The following EEPD1 variants were observed in gnomAD, a reference collection of about 807,000 sequenced individuals.
EEPD1 encodes endonuclease/exonuclease/phosphatase family domain containing 1, also known as endonuclease/exonuclease/phosphatase family domain-containing protein 1.
A neutral mutation model predicts 46.3 loss-of-function variants in EEPD1; 17 were observed. The ratio of observed to expected loss-of-function variants is 0.37; its 90% CI spans 0.25 to 0.55. The LOEUF (loss-of-function observed/expected upper bound fraction) is 0.55. EEPD1 is among the 20% of genes least tolerant of loss of function. EEPD1 has a pLI of 0.83. For synonymous variants in EEPD1, 313 were observed against 315.6 expected (o/e 0.99, Z 0.09); for missense variants, 673 against 745.6 (o/e 0.90, Z 1.13).
At chr7:36,203,960 C>CTT (rs369500845) in intron 2 of EEPD1, among the ~76,000 whole-genome samples, 20 of 142,662 alleles carry the variant, frequency 1.4e-4, no homozygotes, top group Non-Finnish European at 1.5e-4. Context: ...TTATAAACCA[C>CTT]TTTTTTTTTT....
At chr7:36,236,361 G>A (rs961021944) in intron 2 of EEPD1, among the ~76,000 whole-genome samples, 1 of 152,238 alleles carries the variant, frequency 6.6e-6, no homozygotes, top group Non-Finnish European at 1.5e-5. Flanking sequence ...GGCAAGCCCC[G>A]CACTAGGCGC....
In EEPD1 at chr7:36,297,202, A is replaced by G; in HGVS notation, c.1510+15A>G. The G allele has an allele frequency of 6.2e-7, 1 of 1,612,760 alleles. No individual in the cohort carries two copies. Reference sequence around the variant, plus strand: ...GGTTTTCACAGGTGAGGCAGAACTCACTTGTCCTTTCTCCTGTTCAGGAAT... The same window carrying G: ...GGTTTTCACAGGTGAGGCAGAACTCGCTTGTCCTTTCTCCTGTTCAGGAAT... On this transcript the variant is annotated intron_variant, in intron 7 of 7. Transcript: ENST00000242108.
At chr7:36,237,699 C>G (rs1583826762) in intron 2 of EEPD1, among the ~76,000 whole-genome samples, 1 of 152,106 alleles carries the variant, frequency 6.6e-6, no homozygotes, top group Non-Finnish European at 1.5e-5. Context: ...GCCTGTAATC[C>G]CAGCACTTTG....
intron 6 of EEPD1, among the ~76,000 whole-genome samples, chr7:36,288,478 TAG>T (rs758991239): frequency 6.6e-6 from 1 of 152,158 alleles, no homozygotes; most frequent in Non-Finnish European, 1.5e-5. Flanking sequence ...AGCAGAATTC[TAG>T]CTAGGCACGG....
At position 36,166,200 on chromosome 7, in the gene EEPD1, C is replaced by T. The variant is rs142126453; in HGVS notation, c.878+10998C>T. 8.7e-3 allele frequency among the ~76,000 whole-genome samples: 1,318 copies of T among 152,288 alleles called. 3 individuals carry two copies. Among genetic ancestry groups the T allele is most frequent in the Non-Finnish European group, 0.014 (975 of 68,010 alleles). ...TATACCTTTGCTGAACTCAGTTTAA[C>T]GCCAGGCAAGACTGTTTGGAGTTGA... is the stretch of plus-strand genomic sequence containing the variant. On this transcript the variant is annotated intron_variant, in intron 2 of 7. Coordinates refer to ENST00000242108, the MANE Select transcript of EEPD1 (RefSeq NM_030636.3).
At chr7:36,251,639 T>C (rs1024394242) in intron 3 of EEPD1, among the ~76,000 whole-genome samples, 1 of 152,094 alleles carries the variant, frequency 6.6e-6, no homozygotes, top group Non-Finnish European at 1.5e-5. Flanking sequence ...AAAGGTAAAT[T>C]CTCATCCTAC....
At position 36,246,526 on chromosome 7, in the gene EEPD1, G is replaced by T. The variant is rs180898567; in HGVS notation, c.930+7490G>T. Among the ~76,000 whole-genome samples the T allele has an allele frequency of 1.1e-4, 16 of 152,218 alleles. No homozygotes were observed. In the East Asian group the frequency reaches 2.5e-3, roughly 24 times the overall value. On this transcript the variant is annotated intron_variant, in intron 3 of 7. Transcript: ENST00000242108. ...CTGCTAATTAGCTGCTGCTGTGGTCGTCATCATCATCATCACTGGCATCTC... is the reference window on the plus strand; with the variant it reads ...CTGCTAATTAGCTGCTGCTGTGGTCTTCATCATCATCATCACTGGCATCTC...
chr7:36,204,490 C>G (rs1008342427), intron 2 of EEPD1, among the ~76,000 whole-genome samples: 1 of 152,180 alleles, frequency 6.6e-6, no homozygotes, highest in African/African-American at 2.4e-5. Flanking sequence ...ATGCCAAACC[C>G]TTTTACAGGA....
At chr7:36,232,528 G>A (rs1411506321) in intron 2 of EEPD1, among the ~76,000 whole-genome samples, 2 of 151,514 alleles carry the variant, frequency 1.3e-5, no homozygotes, top group African/African-American at 4.9e-5. Flanking sequence ...GTATAAGAAT[G>A]TCTCTGGTTT....
intron 2 of EEPD1, 51 bp downstream of exon 2, chr7:36,155,253 G>A: frequency 6.7e-7 from 1 of 1,487,250 alleles, no homozygotes. Context: ...ACTTGTGCGT[G>A]ACCTCATCTA....
At chr7:36,289,328 C>T (rs1325095159) in intron 6 of EEPD1, among the ~76,000 whole-genome samples, 1 of 152,182 alleles carries the variant, frequency 6.6e-6, no homozygotes, top group Non-Finnish European at 1.5e-5. Flanking sequence ...AACGATATCT[C>T]CCCATGCGCC....
intron 2 of EEPD1, among the ~76,000 whole-genome samples, chr7:36,169,656 A>T (rs549445060): frequency 6.6e-6 from 1 of 152,230 alleles, no homozygotes; most frequent in East Asian, 1.9e-4. Context: ...CTCGCCCCTT[A>T]GTCATGGAGT....
At chr7:36,216,622 T>C (rs556736462) in intron 2 of EEPD1, among the ~76,000 whole-genome samples, 2 of 152,360 alleles carry the variant, frequency 1.3e-5, no homozygotes, top group African/African-American at 4.8e-5. Flanking sequence ...TCAAAGTTTT[T>C]CACCAAAGCG....
chr7:36,160,685 G>GGGC lies in EEPD1; in HGVS notation c.878+5485_878+5487dup, dbSNP rs1554308617. 2.0e-5 allele frequency among the ~76,000 whole-genome samples: 3 copies of GGGC among 150,158 alleles called. 1 individual carries two copies. The highest frequency in any genetic ancestry group is 4.5e-5 in the Non-Finnish European group (3 of 67,280). ...GACTGCTGGGAGGTGGTGGGGGGCG[G>GGGC]GGCGTGCATGGAGAGGGTCCTGGGA... On this transcript the variant is annotated intron_variant, in intron 2 of 7. Transcript: ENST00000242108.
chr7:36,161,749 G>A (rs1784903496), intron 2 of EEPD1, among the ~76,000 whole-genome samples: 1 of 151,976 alleles, frequency 6.6e-6, no homozygotes, highest in South Asian at 2.1e-4. Context: ...AGACCCTATT[G>A]CTACAGAAAC....
chr7:36,163,535 T>A (rs1420188), intron 2 of EEPD1, among the ~76,000 whole-genome samples: 115,065 of 152,034 alleles, frequency 0.76, 44,002 homozygotes, highest in Middle Eastern at 0.81. Context: ...TGGAACTTGG[T>A]TTATAATCCA....
chr7:36,158,662 C>T (rs1784860301), intron 2 of EEPD1, among the ~76,000 whole-genome samples: 1 of 152,134 alleles, frequency 6.6e-6, no homozygotes, highest in Admixed American at 6.5e-5. Context: ...ATTATTTTGC[C>T]AAATCTCAGT....
intron 2 of EEPD1, among the ~76,000 whole-genome samples, chr7:36,173,443 G>A (rs976527244): frequency 1.3e-5 from 2 of 151,056 alleles, no homozygotes; most frequent in Non-Finnish European, 2.9e-5. Flanking sequence ...AGGTTGCAGT[G>A]AGCTGAGATT....
intron 3 of EEPD1, among the ~76,000 whole-genome samples, chr7:36,239,586 G>C (rs920791819): frequency 2.6e-5 from 4 of 152,158 alleles, no homozygotes; most frequent in Non-Finnish European, 5.9e-5. Context: ...ACTGAGGATT[G>C]AGAAACTGCC....
Sources: allele counts gnomAD v4.1 joint callset (sites outside exome capture counted in the v4.1 genomes callset), GRCh38; gene constraint gnomAD v4.1.1; transcripts MANE v1.5; gene names NCBI Gene and HGNC (gene_info 2026-07-23, HGNC 2026-07-21).